The following TBC1D5 variants were observed in gnomAD, a reference collection of about 807,000 sequenced individuals.
TBC1D5 encodes TBC1 domain family, member 5.
A neutral mutation model predicts 100.3 loss-of-function variants in TBC1D5; 75 were observed. The observed-to-expected ratio is 0.75, with a 90% CI of 0.62 to 0.91. TBC1D5 has a LOEUF of 0.91. TBC1D5 is among the 40% of genes least tolerant of loss of function. The pLI, the probability that TBC1D5 is intolerant of heterozygous loss-of-function variation, is 0.00. For missense variants in TBC1D5, 910 were observed against 942.4 expected, an observed-to-expected ratio of 0.97 and a Z score of 0.45; for synonymous variants, 323 against 325.6, an observed-to-expected ratio of 0.99 and a Z score of 0.09.
At chr3:17,369,300 C>T (rs1355925587) in intron 13 of TBC1D5, among the ~76,000 whole-genome samples, 1 of 152,000 alleles carries the variant, frequency 6.6e-6, no homozygotes, top group East Asian at 1.9e-4. Context: ...ATTCACATAG[C>T]CATGACATTC....
At chr3:17,241,054 C>T (rs1234483949) in intron 16 of TBC1D5, among the ~76,000 whole-genome samples, 1 of 152,028 alleles carries the variant, frequency 6.6e-6, no homozygotes, top group Non-Finnish European at 1.5e-5. Flanking sequence ...ATCTGGTACC[C>T]ACAGTTTCTA....
At chr3:17,391,713 G>T (rs2093356223) in intron 8 of TBC1D5, among the ~76,000 whole-genome samples, 1 of 152,012 alleles carries the variant, frequency 6.6e-6, no homozygotes, top group Admixed American at 6.6e-5. Flanking sequence ...GCCAGTGAGG[G>T]CTTAAATGAA....
In TBC1D5 at chr3:17,480,080, A is replaced by G. The variant is rs143726987; in HGVS notation, c.97+28394T>C. Among the ~76,000 whole-genome samples, 1,508 of 152,320 alleles carry G rather than the reference A, an allele frequency of 9.9e-3. 27 individuals are homozygous for G. Among genetic ancestry groups the G allele is most frequent in the African/African-American group, 0.034 (1,412 of 41,572 alleles). The stretch of plus-strand genomic sequence containing the variant: ...CTGGAGTGAAGCAAAGCTGTGGCTG[A>G]GTCCGGGCACTATTACGACCCAGCT... On this transcript the variant is annotated intron_variant, in intron 3 of 21. Transcript: ENST00000253692.
chr3:17,448,368 T>C (rs2094846985), intron 3 of TBC1D5, among the ~76,000 whole-genome samples: 1 of 152,128 alleles, frequency 6.6e-6, no homozygotes, highest in South Asian at 2.1e-4. Flanking sequence ...TTTGACCTCC[T>C]CCCATGAATC....
intron 1 of TBC1D5, among the ~76,000 whole-genome samples, chr3:17,677,221 T>C (rs922087253): frequency 3.3e-5 from 5 of 151,954 alleles, no homozygotes; most frequent in Admixed American, 6.6e-5. Context: ...AGGCAACCTA[T>C]AGAATGGGAA....
At chr3:17,695,949 A>G (rs1176529828) in intron 1 of TBC1D5, among the ~76,000 whole-genome samples, 5 of 152,226 alleles carry the variant, frequency 3.3e-5, no homozygotes, top group Non-Finnish European at 5.9e-5. Context: ...GAGAGTCATC[A>G]AAACCACACA....
At chr3:17,350,564 T>A (rs2090450494) in intron 13 of TBC1D5, among the ~76,000 whole-genome samples, 1 of 152,224 alleles carries the variant, frequency 6.6e-6, no homozygotes, top group Non-Finnish European at 1.5e-5. Flanking sequence ...GTGCTAACGT[T>A]GCTCAGTAAT....
intron 17 of TBC1D5, among the ~76,000 whole-genome samples, chr3:17,236,914 C>T (rs767207333): frequency 1.3e-5 from 2 of 152,028 alleles, no homozygotes; most frequent in African/African-American, 4.8e-5. Flanking sequence ...AATACAGACA[C>T]GCATGGGTGT....
At chr3:17,262,455 A>G (rs979987454) in intron 15 of TBC1D5, among the ~76,000 whole-genome samples, 3 of 150,326 alleles carry the variant, frequency 2.0e-5, no homozygotes, top group Admixed American at 6.6e-5. Context: ...GACTTCAACT[A>G]TCATGAGCAT....
intron 15 of TBC1D5, among the ~76,000 whole-genome samples, chr3:17,289,873 G>T (rs935481849): frequency 3.9e-5 from 6 of 152,170 alleles, no homozygotes; most frequent in African/African-American, 1.4e-4. Context: ...TAACACACGT[G>T]TCAAGTGACT....
intron 1 of TBC1D5, among the ~76,000 whole-genome samples, chr3:17,642,889 T>A (rs767673678): frequency 6.6e-6 from 1 of 152,134 alleles, no homozygotes; most frequent in South Asian, 2.1e-4. Flanking sequence ...GTTGCCCAAA[T>A]AGCACCGAAT....
chr3:17,254,190 G>T (rs939166392), intron 16 of TBC1D5, among the ~76,000 whole-genome samples: 2 of 152,172 alleles, frequency 1.3e-5, no homozygotes, highest in Non-Finnish European at 2.9e-5. Flanking sequence ...GTTGTTTGTT[G>T]TGGCTTTTGG....
chr3:17,703,688 C>G (rs532597630), intron 1 of TBC1D5, among the ~76,000 whole-genome samples: 5 of 152,100 alleles, frequency 3.3e-5, no homozygotes, highest in Non-Finnish European at 5.9e-5. Context: ...CAGGGGATCA[C>G]AAGCTTTCCC....
chr3:17,724,398 A>G (rs1304167403), intron 1 of TBC1D5, among the ~76,000 whole-genome samples: 4 of 152,066 alleles, frequency 2.6e-5, no homozygotes. Flanking sequence ...CCCAGCCTAG[A>G]TTGGCAAATT....
At chr3:17,705,227 C>T (rs1174121536) in intron 1 of TBC1D5, among the ~76,000 whole-genome samples, 34 of 81,256 alleles carry the variant, frequency 4.2e-4, no homozygotes, top group African/African-American at 1.5e-3. Context: ...CCGGACGGCA[C>T]GGCTGGCCAG....
At chr3:17,239,539 C>T (rs2076143166) in intron 16 of TBC1D5, among the ~76,000 whole-genome samples, 1 of 152,154 alleles carries the variant, frequency 6.6e-6, no homozygotes, top group Non-Finnish European at 1.5e-5. Flanking sequence ...AGTCTTTGGT[C>T]CACCAAGCTC....
At chr3:17,312,893 C>T (rs1413667617) in intron 13 of TBC1D5, among the ~76,000 whole-genome samples, 1 of 152,102 alleles carries the variant, frequency 6.6e-6, no homozygotes, top group Non-Finnish European at 1.5e-5. Context: ...CAGAAGATGA[C>T]CATAATATGA....
chr3:17,541,164 A>T (rs928220884), intron 2 of TBC1D5, among the ~76,000 whole-genome samples: 1 of 150,606 alleles, frequency 6.6e-6, no homozygotes, highest in East Asian at 1.9e-4. Flanking sequence ...CAGTTTCCAT[A>T]TGAATTTAAG....
At chr3:17,596,082 G>A (rs1471326071) in intron 2 of TBC1D5, among the ~76,000 whole-genome samples, 2 of 152,054 alleles carry the variant, frequency 1.3e-5, no homozygotes, top group African/African-American at 2.4e-5. Flanking sequence ...AGAATGGCAG[G>A]TCATTAGGAA....
Sources: allele counts gnomAD v4.1 joint callset (sites outside exome capture counted in the v4.1 genomes callset), GRCh38; gene constraint gnomAD v4.1.1; transcripts MANE v1.5; gene names NCBI Gene and HGNC (gene_info 2026-07-23, HGNC 2026-07-21).